SYNE1: variants seen among roughly 807,000 people sequenced by gnomAD.
SYNE1 encodes the protein nesprin-1.
In SYNE1, 616 loss-of-function variants were observed where a neutral mutation model predicts 1,111.0. That is an observed-to-expected ratio of 0.55 (90% CI 0.52 to 0.59). The LOEUF (loss-of-function observed/expected upper bound fraction) is 0.59. SYNE1 is among the 20% of genes least tolerant of loss of function. The pLI is 0.00. For synonymous variants in SYNE1, 3,855 were observed against 3,825.8 expected (o/e 1.01, Z -0.28); for missense variants, 10,006 against 10,417.0 (o/e 0.96, Z 1.72).
chr6:152,220,807 G>A (rs1289534602), intron 119 of SYNE1, 35 bp downstream of exon 119: 1 of 1,590,068 alleles, frequency 6.3e-7, no homozygotes, highest in Non-Finnish European at 8.6e-7. Flanking sequence ...TCTAAGAAGG[G>A]CATGTGGGGA....
At chr6:152,296,182 C>T (rs964650902) in intron 93 of SYNE1, among the ~76,000 whole-genome samples, 2 of 152,212 alleles carry the variant, frequency 1.3e-5, no homozygotes, top group African/African-American at 4.8e-5. Context: ...TTCATCCCTT[C>T]CCTTGCCAGA....
intron 8 of SYNE1, 38 bp from the exon 9 acceptor site, chr6:152,505,435 G>A (rs1273821453): frequency 6.2e-7 from 1 of 1,606,090 alleles, no homozygotes; most frequent in Non-Finnish European, 8.5e-7. Flanking sequence ...GTCACATTCT[G>A]AATAGATACA....
chr6:152,178,791 C>CA lies in SYNE1; in HGVS notation c.23460+1344dup, dbSNP rs1362693595. ...CATTTGGACAATGAATAAGTAAATA[C>CA]AAAAAATACATTGTACATTAGATGG... On this transcript the variant is annotated intron_variant, in intron 129 of 145. Transcript: ENST00000367255. 9.3e-5 allele frequency among the ~76,000 whole-genome samples: 14 copies of CA among 150,346 alleles called. 1 individual carries two copies. Among genetic ancestry groups the CA allele is most frequent in the Admixed American group, 7.3e-4 (11 of 15,092 alleles).
chr6:152,342,480 T>G (rs538752010), intron 74 of SYNE1, among the ~76,000 whole-genome samples: 1 of 152,374 alleles, frequency 6.6e-6, no homozygotes, highest in Non-Finnish European at 1.5e-5. Flanking sequence ...TCTTATAAAG[T>G]AAAATATGAA....
intron 75 of SYNE1, among the ~76,000 whole-genome samples, chr6:152,337,933 A>G (rs560683464): frequency 1.3e-5 from 2 of 152,190 alleles, no homozygotes; most frequent in Non-Finnish European, 2.9e-5. Flanking sequence ...GGATTGCCTG[A>G]GCTCAGGAAT....
chr6:152,285,443 C>T (rs1239891541), intron 95 of SYNE1, among the ~76,000 whole-genome samples: 2 of 152,144 alleles, frequency 1.3e-5, no homozygotes, highest in Non-Finnish European at 1.5e-5. Flanking sequence ...CAATTAGGTC[C>T]TCTCACTCCC....
intron 123 of SYNE1, among the ~76,000 whole-genome samples, chr6:152,213,210 A>C (rs2077868144): frequency 6.6e-6 from 1 of 152,214 alleles, no homozygotes; most frequent in African/African-American, 2.4e-5. Context: ...GAAGATCACA[A>C]AATTTTTAAA....
In SYNE1 at chr6:152,362,397, C is replaced by G. The variant is rs1591092676; in HGVS notation, c.10146-74G>C. ...AGTCTAAAATGTCATTGTGTCTGCT[C>G]CATCCACTCCAGTAAGCAAGGGGTC... On this transcript the variant is annotated intron_variant, in intron 63 of 145. Transcript: ENST00000367255. The G allele has an allele frequency of 1.1e-5, 17 of 1,593,168 alleles. 2 individuals carry two copies. The South Asian group carries it at 1.9e-4, about 18-fold the overall frequency.
At chr6:152,514,825 C>T (rs758368498) in intron 6 of SYNE1, among the ~76,000 whole-genome samples, 3 of 152,130 alleles carry the variant, frequency 2.0e-5, no homozygotes, top group Non-Finnish European at 4.4e-5. Context: ...CTTCTTGCCT[C>T]CAAAACGCTG....
rs1026536204 is a variant in SYNE1 at position 152,624,255 on chromosome 6, T to C, written c.67+4010A>G. On this transcript the variant is annotated intron_variant, in intron 3 of 145. Transcript: ENST00000367255. ...GTTTTCTGGCATTTACCACTTTTTCTGTAAGATTGCGTTGATGTCACCCCA... is the reference window on the plus strand; with the variant it reads ...GTTTTCTGGCATTTACCACTTTTTCCGTAAGATTGCGTTGATGTCACCCCA... 3.3e-5 allele frequency among the ~76,000 whole-genome samples: 5 copies of C among 152,208 alleles called. No homozygotes were observed. The South Asian group carries it at 6.2e-4, about 19-fold the overall frequency.
intron 131 of SYNE1, 80 bp from the exon 132 acceptor site, chr6:152,156,177 A>G: frequency 7.0e-7 from 1 of 1,428,934 alleles, no homozygotes; most frequent in East Asian, 2.3e-5. Context: ...ATGTTGGTAA[A>G]TGGCTAGGCT....
Position 152,471,603 on chromosome 6 carries a change from G to A in SYNE1, c.1626C>T (p.Asn542=). 1 of 1,613,850 alleles carries A rather than the reference G, an allele frequency of 6.2e-7. No individual in the cohort carries two copies. The highest frequency in any genetic ancestry group is 1.3e-5 in the African/African-American group (1 of 75,028). Residue 542 remains asparagine, a synonymous_variant, in exon 16 of 146, where the codon AAC becomes AAT. Coordinates refer to ENST00000367255, the MANE Select transcript of SYNE1 (RefSeq NM_182961.4). ...CAAAGCACGGGGGACTCACCACGTA[G>A]TTTTGTAGAAGCTGCTCCACTGACT... The part of the protein sequence containing the change: ...RRESVEQLLQ[N]YVSFIENSKF...
Position 152,151,525 on chromosome 6 carries a change from T to A in SYNE1, c.24450+28A>T, listed in dbSNP as rs2348080. ...CCTTTCATTTTCAGGCTTTCTTCACTTTGGTAACTTGAAAAATAATCTATT... is the reference window on the plus strand; with the variant it reads ...CCTTTCATTTTCAGGCTTTCTTCACATTGGTAACTTGAAAAATAATCTATT... On this transcript the variant is annotated intron_variant, in intron 135 of 145. Coordinates refer to ENST00000367255, the MANE Select transcript of SYNE1 (RefSeq NM_182961.4). 65,464 of 1,613,058 alleles carry A rather than the reference T, an allele frequency of 0.041. 1,530 individuals are homozygous for A. The highest frequency in any genetic ancestry group is 0.055 in the Middle Eastern group (333 of 6,030).
At chr6:152,530,946 C>G (rs1594782275) in intron 4 of SYNE1, among the ~76,000 whole-genome samples, 1 of 151,272 alleles carries the variant, frequency 6.6e-6, no homozygotes, top group East Asian at 1.9e-4. Context: ...TTAAGCTGTC[C>G]CTGCCTGGGA....
chr6:152,631,485 A>G (rs2099697955), intron 2 of SYNE1, among the ~76,000 whole-genome samples: 1 of 152,190 alleles, frequency 6.6e-6, no homozygotes, highest in South Asian at 2.1e-4. Flanking sequence ...CCACTGAGAG[A>G]TCTTAAGCTG....
intron 139 of SYNE1, 113 bp downstream of exon 139, chr6:152,141,090 A>C (rs2058441721): frequency 6.9e-7 from 1 of 1,441,706 alleles, no homozygotes; most frequent in Admixed American, 1.7e-5. Context: ...GGAAGTTCTC[A>C]GGATAGAACG....
chr6:152,126,316 G>A (rs971380796), intron 145 of SYNE1: 4 of 152,146 alleles, frequency 2.6e-5, no homozygotes, highest in Admixed American at 6.5e-5. Context: ...TTGTTCTAGC[G>A]ATTTTAGTAT....
At chr6:152,429,405 A>C (rs2098406605) in intron 36 of SYNE1, among the ~76,000 whole-genome samples, 2 of 152,174 alleles carry the variant, frequency 1.3e-5, no homozygotes. Context: ...AGAAATTACA[A>C]ATAAGTAACG....
intron 3 of SYNE1, among the ~76,000 whole-genome samples, chr6:152,618,021 G>T (rs2099664819): frequency 6.6e-6 from 1 of 152,166 alleles, no homozygotes; most frequent in Non-Finnish European, 1.5e-5. Flanking sequence ...GAGTTTATCT[G>T]GAAGGTTATA....
Sources: gnomAD v4.1 joint callset for allele counts (sites outside exome capture counted in the v4.1 genomes callset) on GRCh38, gnomAD v4.1.1 for gene constraint, MANE v1.5 for transcripts, NCBI Gene and HGNC (gene_info 2026-07-23, HGNC 2026-07-21) for gene names.